The following EIF4G3 variants were observed in gnomAD, a reference collection of about 807,000 sequenced individuals.
The protein encoded by EIF4G3 is eukaryotic translation initiation factor 4 gamma 3.
Under a neutral mutation model 186.4 loss-of-function variants are expected in EIF4G3, and 34 were observed. That is an observed-to-expected ratio of 0.18 (90% confidence interval 0.14 to 0.24). The LOEUF (loss-of-function observed/expected upper bound fraction) is 0.24. Among genes scored for constraint, EIF4G3 ranks in the 10% least tolerant of loss-of-function variants. EIF4G3 has a pLI of 1.00. For synonymous variants in EIF4G3, 673 were observed against 679.5 expected (o/e 0.99, Z 0.15); for missense variants, 1,536 against 1,948.5 (o/e 0.79, Z 3.99).
At chr1:20,877,442 A>G (rs1277634479) in intron 20 of EIF4G3, among the ~76,000 whole-genome samples, 1 of 152,236 alleles carries the variant, frequency 6.6e-6, no homozygotes, top group Admixed American at 6.5e-5. Flanking sequence ...TTTTGGTTCA[A>G]TAAAGTGGGG....
At chr1:21,169,952 G>A (rs1050661481) in intron 2 of EIF4G3, among the ~76,000 whole-genome samples, 7 of 152,010 alleles carry the variant, frequency 4.6e-5, no homozygotes, top group Admixed American at 6.6e-5. Flanking sequence ...CAAGGCAGGC[G>A]GATCACAAGA....
At chr1:20,924,310 A>C (rs1281881252) in intron 14 of EIF4G3, among the ~76,000 whole-genome samples, 1 of 152,208 alleles carries the variant, frequency 6.6e-6, no homozygotes, top group East Asian at 1.9e-4. Context: ...TATCCAAAAA[A>C]ACTGGAATTT....
At chr1:20,913,800 A>ATTTTTTTTT (rs68098768) in intron 14 of EIF4G3, among the ~76,000 whole-genome samples, 1 of 75,684 alleles carries the variant, frequency 1.3e-5, no homozygotes, top group Non-Finnish European at 2.5e-5. Context: ...AATTATTAGA[A>ATTTTTTTTT]TTTTTTTTTT....
At chr1:20,858,033 C>T (rs1357659392) in intron 24 of EIF4G3, among the ~76,000 whole-genome samples, 4 of 152,180 alleles carry the variant, frequency 2.6e-5, no homozygotes, top group East Asian at 3.8e-4. Context: ...TCAGAATCTA[C>T]TACCAACATT....
In EIF4G3 at chr1:21,125,771, TACAC is replaced by T. The variant is rs59291288; in HGVS notation, c.-271-36562_-271-36559del. ...TATATATAATTTTTTTATATATATA[TACAC>T]ACACACACACACACACACACACACA... On this transcript the variant is annotated intron_variant, in intron 2 of 36. Coordinates refer to ENST00000602326, the MANE Select transcript of EIF4G3 (RefSeq NM_001391906.1). 4.7e-3 allele frequency among the ~76,000 whole-genome samples: 680 copies of T among 146,166 alleles called. 11 individuals are homozygous for T. Among genetic ancestry groups the T allele is most frequent in the East Asian group, 0.024 (120 of 5,086 alleles).
intron 33 of EIF4G3, among the ~76,000 whole-genome samples, chr1:20,819,543 G>C (rs2061809291): frequency 6.6e-6 from 1 of 151,940 alleles, no homozygotes; most frequent in East Asian, 1.9e-4. Flanking sequence ...CTGCAGCCTT[G>C]ACCTCCCAGG....
chr1:21,109,712 G>A (rs1469715496), intron 2 of EIF4G3, among the ~76,000 whole-genome samples: 5 of 152,136 alleles, frequency 3.3e-5, no homozygotes, highest in African/African-American at 1.2e-4. Flanking sequence ...AGTTCCTCTA[G>A]GAATTATTGC....
chr1:21,082,254 A>G (rs1365925169), intron 3 of EIF4G3, among the ~76,000 whole-genome samples: 1 of 151,062 alleles, frequency 6.6e-6, no homozygotes, highest in East Asian at 1.9e-4. Flanking sequence ...AACCAACTCA[A>G]TGAAAGTGAC....
chr1:20,862,359 CCTGT>C (rs753327813), intron 22 of EIF4G3, 27 bp from the exon 23 acceptor site: 2 of 1,333,780 alleles, frequency 1.5e-6, no homozygotes, highest in Non-Finnish European at 2.1e-6. Context: ...CATTAGTACT[CCTGT>C]CTGAGAAACT....
intron 2 of EIF4G3, among the ~76,000 whole-genome samples, chr1:21,170,283 A>C (rs1444369599): frequency 6.6e-6 from 1 of 152,206 alleles, no homozygotes. Context: ...CACAGTGAAC[A>C]AAATAAACAA....
At chr1:21,021,309 C>T (rs2090616600) in intron 4 of EIF4G3, among the ~76,000 whole-genome samples, 1 of 152,070 alleles carries the variant, frequency 6.6e-6, no homozygotes, top group African/African-American at 2.4e-5. Flanking sequence ...ACTCTAGCTT[C>T]CCTTTCCCTT....
intron 20 of EIF4G3, among the ~76,000 whole-genome samples, chr1:20,870,959 A>G (rs1389438267): frequency 6.6e-6 from 1 of 152,166 alleles, no homozygotes; most frequent in Non-Finnish European, 1.5e-5. Context: ...ATATGGATGG[A>G]TATGTACATA....
At chr1:21,115,933 G>A (rs530429753) in intron 2 of EIF4G3, among the ~76,000 whole-genome samples, 10 of 151,850 alleles carry the variant, frequency 6.6e-5, no homozygotes, top group Middle Eastern at 3.4e-3. Context: ...CTTGTTACCC[G>A]GGTTGGTCTA....
At chr1:21,139,889 A>T (rs2097309083) in intron 2 of EIF4G3, among the ~76,000 whole-genome samples, 1 of 152,200 alleles carries the variant, frequency 6.6e-6, no homozygotes, top group South Asian at 2.1e-4. Context: ...TGATTCCAAC[A>T]GCTAGCACTG....
chr1:20,833,963 C>T (rs897497921), intron 30 of EIF4G3, among the ~76,000 whole-genome samples: 4 of 152,034 alleles, frequency 2.6e-5, no homozygotes, highest in South Asian at 2.1e-4. Flanking sequence ...AAAATTTTAA[C>T]GCAGTAAAGT....
chr1:20,873,189 T>G (rs2079706748), intron 20 of EIF4G3, among the ~76,000 whole-genome samples: 1 of 152,238 alleles, frequency 6.6e-6, no homozygotes, highest in South Asian at 2.1e-4. Context: ...AAACTTACTC[T>G]TGTGAGAATC....
At chr1:20,821,612 A>G (rs973539310) in intron 33 of EIF4G3, among the ~76,000 whole-genome samples, 2 of 150,586 alleles carry the variant, frequency 1.3e-5, no homozygotes, top group African/African-American at 4.9e-5. Flanking sequence ...TGTATACATC[A>G]CCATCTTCCC....
At chr1:21,115,706 TTTGTTG>T (rs140196601) in intron 2 of EIF4G3, among the ~76,000 whole-genome samples, 7 of 151,884 alleles carry the variant, frequency 4.6e-5, no homozygotes, top group South Asian at 2.1e-4. Context: ...ATTAGAATAA[TTTGTTG>T]TTGTTGTTGT....
At chr1:21,039,347 T>A (rs1004756664) in intron 4 of EIF4G3, among the ~76,000 whole-genome samples, 12 of 152,298 alleles carry the variant, frequency 7.9e-5, no homozygotes, top group African/African-American at 2.6e-4. Context: ...ACAAAATTTT[T>A]AAAATGAATC....
Sources: allele counts gnomAD v4.1 joint callset (sites outside exome capture counted in the v4.1 genomes callset), GRCh38; gene constraint gnomAD v4.1.1; transcripts MANE v1.5; gene names NCBI Gene and HGNC (gene_info 2026-07-23, HGNC 2026-07-21).